DENND1B: variants seen among roughly 807,000 people sequenced by gnomAD.
DENND1B encodes DENN domain containing 1B.
In DENND1B, 59 loss-of-function variants were observed where a neutral mutation model predicts 90.1. The observed-to-expected ratio is 0.65, with a 90% CI of 0.53 to 0.81. The LOEUF is 0.81. DENND1B is among the 40% of genes least tolerant of loss of function. The pLI is 0.00. For synonymous variants in DENND1B, 337 were observed against 324.6 expected (o/e 1.04, Z -0.41); for missense variants, 862 against 912.6 (o/e 0.94, Z 0.71).
At chr1:197,650,186 C>CA (rs1221060381) in intron 7 of DENND1B, among the ~76,000 whole-genome samples, 2 of 152,074 alleles carry the variant, frequency 1.3e-5, no homozygotes, top group African/African-American at 4.8e-5. Context: ...TGGCCATAAT[C>CA]AAAAAATCAA....
rs187179736 is a variant in DENND1B at position 197,594,313 on chromosome 1, G to C, written c.1047+895C>G. ...CCATTCACATTTGCTTAGTGCCTCA[G>C]AGTTTACAATTGAGTTTAACTGAGT... On this transcript the variant is annotated intron_variant, in intron 14 of 22. Transcript: ENST00000620048. 8.9e-4 allele frequency among the ~76,000 whole-genome samples: 135 copies of C among 152,250 alleles called. 1 individual carries two copies. The highest frequency in any genetic ancestry group is 3.7e-4 in the Non-Finnish European group (25 of 67,978).
chr1:197,518,981 T>G (rs1365188021), intron 20 of DENND1B, among the ~76,000 whole-genome samples: 7 of 151,944 alleles, frequency 4.6e-5, no homozygotes, highest in Admixed American at 4.6e-4. Context: ...ATAGGTTCTA[T>G]TTTTATAGCT....
intron 2 of DENND1B, among the ~76,000 whole-genome samples, chr1:197,725,535 C>G (rs889143111): frequency 6.6e-6 from 1 of 151,232 alleles, no homozygotes; most frequent in Non-Finnish European, 1.5e-5. Context: ...TTACAATTAG[C>G]AAAGTTTTGC....
chr1:197,636,003 C>T (rs1157805545), intron 10 of DENND1B, among the ~76,000 whole-genome samples: 3 of 151,534 alleles, frequency 2.0e-5, no homozygotes, highest in East Asian at 3.9e-4. Context: ...AAAAAAAACC[C>T]GCCCTGATAA....
intron 14 of DENND1B, among the ~76,000 whole-genome samples, chr1:197,584,669 T>A (rs1674537877): frequency 6.6e-6 from 1 of 151,974 alleles, no homozygotes; most frequent in African/African-American, 2.4e-5. Context: ...TGATTGCCAA[T>A]TTTTTTCAGA....
chr1:197,759,335 G>A (rs1223758468), intron 2 of DENND1B, among the ~76,000 whole-genome samples: 1 of 148,800 alleles, frequency 6.7e-6, no homozygotes, highest in Non-Finnish European at 1.5e-5. Flanking sequence ...ATAAAAAGAA[G>A]CAAAATACAA....
At chr1:197,554,014 A>C (rs1272460089) in intron 15 of DENND1B, among the ~76,000 whole-genome samples, 1 of 151,822 alleles carries the variant, frequency 6.6e-6, no homozygotes, top group Non-Finnish European at 1.5e-5. Context: ...TACATAGCAT[A>C]CCAGAATCTC....
chr1:197,691,465 A>G (rs1008849077), intron 3 of DENND1B, among the ~76,000 whole-genome samples: 3 of 152,138 alleles, frequency 2.0e-5, no homozygotes, highest in South Asian at 4.1e-4. Context: ...ACAAACAAAG[A>G]TAAGTGTTGG....
chr1:197,633,943 T>C (rs888835704), intron 10 of DENND1B, among the ~76,000 whole-genome samples: 2 of 152,160 alleles, frequency 1.3e-5, no homozygotes, highest in African/African-American at 4.8e-5. Flanking sequence ...GCTTCCCCAG[T>C]ACCTCTCATA....
In DENND1B at chr1:197,599,237, A is replaced by T. The variant is rs7533154; in HGVS notation, c.922-3904T>A. Among the ~76,000 whole-genome samples the T allele has an allele frequency of 5.9e-3, 900 of 151,938 alleles. 13 individuals carry two copies. The highest frequency in any genetic ancestry group is 0.02 in the African/African-American group (842 of 41,520). ...CAGTAAGCCAGGAAGGCAGAGCATAAAAGGGGGTTGAGTTTTTCTGAGAAG... is the reference window on the plus strand; with the variant it reads ...CAGTAAGCCAGGAAGGCAGAGCATATAAGGGGGTTGAGTTTTTCTGAGAAG... On this transcript the variant is annotated intron_variant, in intron 13 of 22. Transcript: ENST00000620048.
chr1:197,542,367 G>A (rs914695865), intron 18 of DENND1B, among the ~76,000 whole-genome samples: 1 of 152,102 alleles, frequency 6.6e-6, no homozygotes, highest in African/African-American at 2.4e-5. Flanking sequence ...ATAAGAACAG[G>A]ATGGAATCAT....
intron 2 of DENND1B, 113 bp downstream of exon 2, chr1:197,772,755 G>A (rs1656780267): frequency 2.3e-6 from 2 of 854,260 alleles, no homozygotes; most frequent in Admixed American, 5.8e-5. Flanking sequence ...AACCCGGGAA[G>A]GAGAGGTTGT....
At position 197,723,229 on chromosome 1, in the gene DENND1B, A is replaced by G. The variant is rs370428018; in HGVS notation, c.83-8155T>C. On this transcript the variant is annotated intron_variant, in intron 2 of 22. Coordinates refer to ENST00000620048, the MANE Select transcript of DENND1B (RefSeq NM_001195215.2). ...CATCCATTCCTTTTAAACAAGACCT[A>G]TTATAATAAAATGAAAACCCTCATC... Among the ~76,000 whole-genome samples, 16 of 152,316 alleles carry G rather than the reference A, an allele frequency of 1.1e-4. No individual in the cohort carries two copies. The East Asian group carries it at 3.1e-3, about 29-fold the overall frequency.
intron 3 of DENND1B, among the ~76,000 whole-genome samples, chr1:197,704,656 C>G (rs149908875): frequency 6.6e-6 from 1 of 152,108 alleles, no homozygotes; most frequent in South Asian, 2.1e-4. Context: ...CTGCGAGAAG[C>G]GTATAATAAA....
At chr1:197,614,584 A>T (rs1251142440) in intron 11 of DENND1B, among the ~76,000 whole-genome samples, 2 of 150,988 alleles carry the variant, frequency 1.3e-5, no homozygotes, top group Non-Finnish European at 3.0e-5. Flanking sequence ...AAGATAGGAT[A>T]CAGAAGCCTC....
chr1:197,643,898 G>A (rs1026101444), intron 9 of DENND1B, among the ~76,000 whole-genome samples: 1 of 152,106 alleles, frequency 6.6e-6, no homozygotes, highest in East Asian at 1.9e-4. Context: ...CTAATTAAGG[G>A]ATTCAACAAG....
intron 1 of DENND1B, 45 bp downstream of exon 1, chr1:197,775,094 G>A: frequency 8.2e-7 from 1 of 1,217,094 alleles, no homozygotes; most frequent in Non-Finnish European, 1.0e-6. Flanking sequence ...GGGAGGGGCC[G>A]CCGAGGGACG....
chr1:197,527,498 T>G (rs1669233023), intron 20 of DENND1B, among the ~76,000 whole-genome samples: 1 of 152,022 alleles, frequency 6.6e-6, no homozygotes, highest in African/African-American at 2.4e-5. Flanking sequence ...GCCAGGCTGG[T>G]CTCGAACTCC....
intron 2 of DENND1B, among the ~76,000 whole-genome samples, chr1:197,722,467 A>G (rs1396182499): frequency 6.6e-6 from 1 of 152,146 alleles, no homozygotes; most frequent in Non-Finnish European, 1.5e-5. Context: ...ACAGTAATTT[A>G]AAGAACATCC....
Sources: allele counts gnomAD v4.1 joint callset (sites outside exome capture counted in the v4.1 genomes callset), GRCh38; gene constraint gnomAD v4.1.1; transcripts MANE v1.5; gene names NCBI Gene and HGNC (gene_info 2026-07-23, HGNC 2026-07-21).